Variants in FREM3 observed in about 807,000 individuals in gnomAD.
FREM3 encodes the protein FRAS1 related extracellular matrix 3, also known as FRAS1-related extracellular matrix protein 3.
FREM3 carries 105 observed loss-of-function variants against 129.1 expected under a neutral mutation model. That is an observed-to-expected ratio of 0.81 (90% CI 0.69 to 0.96). The LOEUF is 0.96. FREM3 is among the 40% of genes least tolerant of loss of function. The pLI, the probability that FREM3 is intolerant of heterozygous loss-of-function variation, is 0.00. For missense variants in FREM3, 2,593 were observed against 2,666.3 expected (o/e 0.97, Z 0.61); for synonymous variants, 1,014 against 1,044.9 (o/e 0.97, Z 0.57).
intron 2 of FREM3, among the ~76,000 whole-genome samples, chr4:143,691,122 A>G (rs1740459633): frequency 6.6e-6 from 1 of 152,206 alleles, no homozygotes; most frequent in African/African-American, 2.4e-5. Flanking sequence ...GCAAATGTTT[A>G]ATTAGTTTAT....
intron 2 of FREM3, among the ~76,000 whole-genome samples, chr4:143,674,021 C>G (rs1236411984): frequency 6.6e-6 from 1 of 152,230 alleles, no homozygotes; most frequent in Non-Finnish European, 1.5e-5. Context: ...AAAGGAATTC[C>G]CTGACCCCTT....
Position 143,603,670 on chromosome 4 carries a change from A to T in FREM3, c.6028+7609T>A, listed in dbSNP as rs76142740. Among the ~76,000 whole-genome samples the T allele has an allele frequency of 7.8e-3, 1,182 of 152,272 alleles. 21 individuals carry two copies. Among genetic ancestry groups the T allele is most frequent in the African/African-American group, 0.027 (1,131 of 41,540 alleles). ...AAAAAAAAACCTTTTTATCTGAGAA[A>T]TGCAAGTCCCTTTAAATTATCCAGC... is the stretch of plus-strand genomic sequence containing the variant. On this transcript the variant is annotated intron_variant, in intron 6 of 7. Coordinates refer to ENST00000329798, the MANE Select transcript of FREM3 (RefSeq NM_001168235.2).
At chr4:143,653,275 A>G (rs1240948423) in intron 2 of FREM3, among the ~76,000 whole-genome samples, 1 of 152,214 alleles carries the variant, frequency 6.6e-6, no homozygotes, top group Non-Finnish European at 1.5e-5. Flanking sequence ...CTGCATTCTC[A>G]TCTGGGACCT....
chr4:143,680,955 A>G (rs553057736), intron 2 of FREM3, among the ~76,000 whole-genome samples: 65 of 152,238 alleles, frequency 4.3e-4, no homozygotes, highest in Middle Eastern at 3.4e-3. Flanking sequence ...AGGAATTCAT[A>G]TGGACCACGA....
intron 2 of FREM3, among the ~76,000 whole-genome samples, chr4:143,666,205 A>G (rs1255822121): frequency 6.6e-6 from 1 of 152,126 alleles, no homozygotes; most frequent in East Asian, 1.9e-4. Context: ...TCCCCTTCAT[A>G]GAACAATGTT....
intron 2 of FREM3, among the ~76,000 whole-genome samples, chr4:143,685,882 A>T (rs1740355453): frequency 6.6e-6 from 1 of 152,034 alleles, no homozygotes; most frequent in Non-Finnish European, 1.5e-5. Flanking sequence ...GGCCTGGAGG[A>T]GGGATGGCAT....
At position 143,697,964 on chromosome 4, in the gene FREM3, A is replaced by G. The variant is rs1173291068; in HGVS notation, c.2712T>C (p.His904=). Residue 904 remains histidine (H), a synonymous_variant, in exon 1 of 8, where the codon CAT becomes CAC. Coordinates refer to ENST00000329798, the MANE Select transcript of FREM3 (RefSeq NM_001168235.2). Reference sequence around the variant, plus strand: ...CACTGGTAGTCGTCTGGTCTCTGCCATGCTGGTAAGAGACACTCCCGTTAA... The same window carrying G: ...CACTGGTAGTCGTCTGGTCTCTGCCGTGCTGGTAAGAGACACTCCCGTTAA... ...DVINGSVSYQ[H]GRDQTTTSDT... 2 of 1,537,648 alleles carry G rather than the reference A, an allele frequency of 1.3e-6. No homozygotes were observed. Among genetic ancestry groups the G allele is most frequent in the Non-Finnish European group, 8.7e-7 (1 of 1,146,934 alleles).
intron 4 of FREM3, among the ~76,000 whole-genome samples, chr4:143,621,607 T>G (rs779940373): frequency 6.6e-6 from 1 of 152,238 alleles, no homozygotes; most frequent in Non-Finnish European, 1.5e-5. Flanking sequence ...TAACATTTAT[T>G]GAGCAGACAC....
At chr4:143,616,357 C>T (rs1272647169) in intron 5 of FREM3, among the ~76,000 whole-genome samples, 1 of 152,284 alleles carries the variant, frequency 6.6e-6, no homozygotes, top group Non-Finnish European at 1.5e-5. Context: ...TCCCCCCAAA[C>T]CGTCTGAGAT....
intron 7 of FREM3, among the ~76,000 whole-genome samples, chr4:143,583,424 G>A (rs1738182965): frequency 1.3e-5 from 2 of 152,030 alleles, no homozygotes; most frequent in African/African-American, 4.8e-5. Context: ...AACTTCACTA[G>A]AGAGGCCAAA....
intron 6 of FREM3, among the ~76,000 whole-genome samples, chr4:143,597,273 A>G (rs759120519): frequency 2.0e-5 from 3 of 152,238 alleles, no homozygotes; most frequent in Non-Finnish European, 4.4e-5. Context: ...CGCAGCGAGC[A>G]CATCCAGAAA....
At chr4:143,627,333 A>C (rs1739057464) in intron 3 of FREM3, among the ~76,000 whole-genome samples, 1 of 152,184 alleles carries the variant, frequency 6.6e-6, no homozygotes, top group African/African-American at 2.4e-5. Flanking sequence ...GATGGCTATG[A>C]AGTGTCTTAA....
chr4:143,582,122 C>T (rs112323160), intron 7 of FREM3, among the ~76,000 whole-genome samples: 163 of 152,272 alleles, frequency 1.1e-3, no homozygotes, highest in Non-Finnish European at 2.1e-3. Flanking sequence ...GTCAAAAGCC[C>T]TTTGCCATTA....
intron 6 of FREM3, among the ~76,000 whole-genome samples, chr4:143,600,897 C>T (rs1039964424): frequency 2.0e-5 from 3 of 151,888 alleles, no homozygotes; most frequent in African/African-American, 7.2e-5. Context: ...ATTTCTATTG[C>T]AAGCAAGGGT....
At chr4:143,620,969 C>T in intron 5 of FREM3, 68 bp downstream of exon 5, 2 of 1,448,444 alleles carry the variant, frequency 1.4e-6, no homozygotes, top group Non-Finnish European at 1.9e-6. Flanking sequence ...CTGTGGTACT[C>T]CCAGCATTAC....
chr4:143,588,227 A>G (rs569690492), intron 6 of FREM3, among the ~76,000 whole-genome samples: 8 of 152,174 alleles, frequency 5.3e-5, no homozygotes, highest in African/African-American at 1.9e-4. Context: ...TACCATTCTA[A>G]CATGCTATCC....
At chr4:143,623,757 T>C (rs1738996647) in intron 4 of FREM3, among the ~76,000 whole-genome samples, 1 of 152,084 alleles carries the variant, frequency 6.6e-6, no homozygotes, top group Non-Finnish European at 1.5e-5. Context: ...AAGTCCCCAT[T>C]TGATCTGACT....
At chr4:143,662,273 A>T (rs1198863205) in intron 2 of FREM3, among the ~76,000 whole-genome samples, 1 of 152,108 alleles carries the variant, frequency 6.6e-6, no homozygotes, top group Non-Finnish European at 1.5e-5. Flanking sequence ...TGTCCCAGAG[A>T]TTCTGGTATG....
chr4:143,673,712 G>A (rs866082922), intron 2 of FREM3, among the ~76,000 whole-genome samples: 1 of 152,260 alleles, frequency 6.6e-6, no homozygotes, highest in Non-Finnish European at 1.5e-5. Context: ...GAGGCAGGCA[G>A]GCCTCCTTGA....
Sources: gnomAD v4.1 joint callset for allele counts (sites outside exome capture counted in the v4.1 genomes callset) on GRCh38, gnomAD v4.1.1 for gene constraint, MANE v1.5 for transcripts, NCBI Gene and HGNC (gene_info 2026-07-23, HGNC 2026-07-21) for gene names.